CCDC149: variants seen among roughly 807,000 people sequenced by gnomAD.
The protein encoded by CCDC149 is coiled-coil domain-containing protein 149.
A neutral mutation model predicts 59.9 loss-of-function variants in CCDC149; 45 were observed. That is an observed-to-expected ratio of 0.75 (90% CI 0.59 to 0.96). The LOEUF (loss-of-function observed/expected upper bound fraction) is 0.96, where lower values mean the gene tolerates loss of function less well. Ranked by LOEUF, CCDC149 falls within the 40% of genes least tolerant of loss-of-function variation. The pLI, the probability that CCDC149 is intolerant of heterozygous loss-of-function variation, is 0.00. For synonymous variants in CCDC149, 245 were observed against 260.6 expected (o/e 0.94, Z 0.58); for missense variants, 584 against 664.7 (o/e 0.88, Z 1.33).
intron 1 of CCDC149, among the ~76,000 whole-genome samples, chr4:24,884,132 T>G (rs2109267265): frequency 6.6e-6 from 1 of 152,326 alleles, no homozygotes; most frequent in South Asian, 2.1e-4. Flanking sequence ...CAGGGAATGC[T>G]TAGGTCTAAG....
In CCDC149 at chr4:24,806,588, G is replaced by C. The variant is rs1477528522; in HGVS notation, c.*1801C>G. 6.6e-6 allele frequency: 1 copy of C among 152,306 alleles called. No homozygotes were observed. Among genetic ancestry groups the C allele is most frequent in the Non-Finnish European group, 1.5e-5 (1 of 68,088 alleles). 9.4% of individuals were successfully genotyped at this position (152,306 alleles called of 1,614,324 possible). A position where few individuals can be genotyped will look rare whatever the true frequency, so the allele number is the denominator to read the frequency against. The stretch of plus-strand genomic sequence containing the variant: ...CAGTAGTGCTGGACATTTGCAGGCA[G>C]TTAAGGCCCAGTACAGCAGGAAGAA... On this transcript the variant is annotated 3_prime_UTR_variant, in exon 13 of 13. Transcript: ENST00000635206.
At chr4:24,949,437 A>G (rs10939019) in intron 1 of CCDC149, among the ~76,000 whole-genome samples, 108,049 of 132,246 alleles carry the variant, frequency 0.82, 42,756 homozygotes, top group Admixed American at 0.84. Context: ...TAGTGGTGGC[A>G]GGGAGGGGGG....
chr4:24,937,343 C>T (rs566321013), intron 1 of CCDC149, among the ~76,000 whole-genome samples: 2 of 152,310 alleles, frequency 1.3e-5, no homozygotes, highest in South Asian at 2.1e-4. Context: ...GAGGTGCTCA[C>T]TCAAGACTCC....
intron 12 of CCDC149, among the ~76,000 whole-genome samples, chr4:24,811,872 C>CA (rs35269758): frequency 0.052 from 7,066 of 134,936 alleles, 590 homozygotes; most frequent in African/African-American, 0.18. Context: ...GACTCCGACT[C>CA]AAAAAAAAAA....
At chr4:24,821,486 A>G (rs1453209451) in intron 10 of CCDC149, among the ~76,000 whole-genome samples, 1 of 152,240 alleles carries the variant, frequency 6.6e-6, no homozygotes, top group Non-Finnish European at 1.5e-5. Flanking sequence ...AGGTCTTTTG[A>G]CAACAAGTTC....
chr4:24,876,494 A>C (rs761327741), intron 2 of CCDC149, 42 bp downstream of exon 2: 5 of 1,549,228 alleles, frequency 3.2e-6, no homozygotes, highest in Non-Finnish European at 4.4e-6. Flanking sequence ...ATCTTAATTC[A>C]GGGAACAGGA....
chr4:24,946,741 ATCC>A (rs1408585160), intron 1 of CCDC149, among the ~76,000 whole-genome samples: 1 of 152,226 alleles, frequency 6.6e-6, no homozygotes, highest in African/African-American at 2.4e-5. Flanking sequence ...CATCTCTGCC[ATCC>A]TAGTGGGCAA....
At chr4:24,975,297 G>C (rs1008778412) in intron 1 of CCDC149, among the ~76,000 whole-genome samples, 2 of 147,368 alleles carry the variant, frequency 1.4e-5, no homozygotes, top group Admixed American at 6.9e-5. Flanking sequence ...GAAGATAGGA[G>C]AGAAAGGGAA....
chr4:24,938,557 G>T (rs1722849601), intron 1 of CCDC149, among the ~76,000 whole-genome samples: 1 of 152,194 alleles, frequency 6.6e-6, no homozygotes, highest in South Asian at 2.1e-4. Flanking sequence ...GCAGGACAGG[G>T]GGTGCAGTGC....
intron 1 of CCDC149, among the ~76,000 whole-genome samples, chr4:24,940,673 T>A (rs1380930847): frequency 1.3e-5 from 2 of 152,154 alleles, no homozygotes; most frequent in East Asian, 1.9e-4. Context: ...GAGACACACA[T>A]AGGCTCAAAA....
At position 24,873,846 on chromosome 4, in the gene CCDC149, T is replaced by G. The variant is rs1441345177; in HGVS notation, c.226-127A>C. The G allele has an allele frequency of 9.6e-6, 6 of 623,948 alleles. No homozygotes were observed. In the African/African-American group the frequency reaches 1.4e-4, roughly 15 times the overall value. The allele number at this position is 623,948 out of a possible 1,614,324, so 38.7% of individuals were successfully genotyped here. ...ACCCTCCCCACCCTGCAGCCAGTAA[T>G]GTGCTGAAGCAAGCTCAAATATACT... On this transcript the variant is annotated intron_variant, in intron 2 of 12. Transcript: ENST00000635206.
chr4:24,912,747 G>T, intron 1 of CCDC149, 70 bp downstream of exon 1: 2 of 1,115,602 alleles, frequency 1.8e-6, no homozygotes, highest in Non-Finnish European at 2.2e-6. Flanking sequence ...CGGCCTCTCT[G>T]GGGGCGCGGG....
intron 1 of CCDC149, among the ~76,000 whole-genome samples, chr4:24,936,026 A>C (rs369043534): frequency 6.6e-6 from 1 of 152,210 alleles, no homozygotes; most frequent in Non-Finnish European, 1.5e-5. Flanking sequence ...GTCAAGAAAG[A>C]GGCAATGCTC....
In CCDC149 at chr4:24,912,899, A is replaced by T; in HGVS notation, c.-20T>A. The T allele has an allele frequency of 7.6e-7, 1 of 1,308,532 alleles. No individual in the cohort carries two copies. The highest frequency in any genetic ancestry group is 1.6e-5 in the African/African-American group (1 of 62,792). The allele number at this position is 1,308,532 out of a possible 1,614,324, so 81.1% of individuals were successfully genotyped here. On this transcript the variant is annotated 5_prime_UTR_variant, in exon 1 of 13. Coordinates refer to ENST00000635206, the MANE Select transcript of CCDC149 (RefSeq NM_001330643.2). Reference sequence around the variant, plus strand: ...CTCCATGCGCTGGCCGGCCTCCTGGACCCCCGCCGCCTCCTCCTCCTCGCG... The same window carrying T: ...CTCCATGCGCTGGCCGGCCTCCTGGTCCCCCGCCGCCTCCTCCTCCTCGCG...
At chr4:24,949,928 G>A (rs145343299) in intron 1 of CCDC149, among the ~76,000 whole-genome samples, 2 of 152,330 alleles carry the variant, frequency 1.3e-5, no homozygotes, top group African/African-American at 4.8e-5. Flanking sequence ...CAGGTGCACA[G>A]AGGGGACAGC....
intron 1 of CCDC149, among the ~76,000 whole-genome samples, chr4:24,933,576 G>A (rs756983418): frequency 6.6e-6 from 1 of 152,110 alleles, no homozygotes; most frequent in Non-Finnish European, 1.5e-5. Flanking sequence ...CCTGAAATAG[G>A]CCAGGCATTG....
At chr4:24,843,774 GA>G (rs1717084790) in intron 4 of CCDC149, among the ~76,000 whole-genome samples, 1 of 152,104 alleles carries the variant, frequency 6.6e-6, no homozygotes, top group African/African-American at 2.4e-5. Context: ...ACCACTGACA[GA>G]TACCCCCAAG....
chr4:24,938,379 C>T lies in CCDC149; in HGVS notation c.-65+41690G>A, dbSNP rs527446876. Among the ~76,000 whole-genome samples, 201 of 152,276 alleles carry T rather than the reference C, an allele frequency of 1.3e-3. 1 individual carries two copies. Among genetic ancestry groups the T allele is most frequent in the African/African-American group, 4.0e-3 (167 of 41,536 alleles). Reference sequence around the variant, plus strand: ...TAATTAAATCTATTGGCAAGGTAGACATATCATCATTTGACTCCAATAAAT... The same window carrying T: ...TAATTAAATCTATTGGCAAGGTAGATATATCATCATTTGACTCCAATAAAT... On this transcript the variant is annotated intron_variant, in intron 1 of 12. Transcript: ENST00000389609.
At chr4:24,979,054 G>C (rs1724346029) in intron 1 of CCDC149, among the ~76,000 whole-genome samples, 2 of 152,228 alleles carry the variant, frequency 1.3e-5, no homozygotes. Flanking sequence ...GAGCAGGGAA[G>C]TGAGACAGGG....
Sources: gnomAD v4.1 joint callset for allele counts (sites outside exome capture counted in the v4.1 genomes callset) on GRCh38, gnomAD v4.1.1 for gene constraint, MANE v1.5 for transcripts, NCBI Gene and HGNC (gene_info 2026-07-23, HGNC 2026-07-21) for gene names.